Variants in PTPRD observed in about 807,000 individuals in gnomAD.
PTPRD encodes receptor-type tyrosine-protein phosphatase delta.
PTPRD carries 34 observed loss-of-function variants against 214.5 expected under a neutral mutation model. The observed-to-expected ratio is 0.16, with a 90% CI of 0.12 to 0.21. The LOEUF (loss-of-function observed/expected upper bound fraction) is 0.21, where lower values mean the gene tolerates loss of function less well. Among genes scored for constraint, PTPRD ranks in the 10% least tolerant of loss-of-function variants. PTPRD has a pLI of 1.00. For synonymous variants in PTPRD, 1,128 were observed against 845.7 expected (o/e 1.33, Z -5.79); for missense variants, 2,545 against 2,398.7 (o/e 1.06, Z -1.27).
intron 21 of PTPRD, among the ~76,000 whole-genome samples, chr9:8,508,772 T>C (rs1044994806): frequency 6.6e-6 from 1 of 152,164 alleles, no homozygotes; most frequent in Admixed American, 6.5e-5. Flanking sequence ...GTCTGTGTAC[T>C]ATGGCTTTAA....
chr9:8,888,556 G>C (rs2098510952), intron 11 of PTPRD, among the ~76,000 whole-genome samples: 1 of 152,164 alleles, frequency 6.6e-6, no homozygotes, highest in South Asian at 2.1e-4. Context: ...TTCATAAGAG[G>C]GGCTTTTATG....
chr9:9,545,475 A>G (rs907102980), intron 8 of PTPRD, among the ~76,000 whole-genome samples: 2 of 151,974 alleles, frequency 1.3e-5, no homozygotes, highest in Admixed American at 6.6e-5. Flanking sequence ...TTAAAATTCT[A>G]TTGTTTAGAT....
intron 11 of PTPRD, among the ~76,000 whole-genome samples, chr9:8,853,104 G>A (rs1182465004): frequency 6.6e-6 from 1 of 152,096 alleles, no homozygotes. Flanking sequence ...ATTTATTAAG[G>A]GGGAAATGAG....
intron 3 of PTPRD, among the ~76,000 whole-genome samples, chr9:10,122,796 C>A (rs1229391627): frequency 6.6e-6 from 1 of 152,202 alleles, no homozygotes; most frequent in South Asian, 2.1e-4. Context: ...CATATTGACA[C>A]CTTCCACCCT....
In PTPRD at chr9:8,449,793, T is replaced by C. The variant is rs2133467961; in HGVS notation, c.3920A>G (p.Asn1307Ser). The C allele has an allele frequency of 6.2e-7, 1 of 1,614,086 alleles. No individual in the cohort carries two copies. The highest frequency in any genetic ancestry group is 8.5e-7 in the Non-Finnish European group (1 of 1,179,954). Residue 1307 changes from asparagine to serine, a missense_variant, in exon 34 of 46, where the codon AAT (asparagine) becomes AGT (serine). Asn to Ser is a conservative substitution (Grantham distance 46, BLOSUM62 1). Coordinates refer to ENST00000381196, the MANE Select transcript of PTPRD (RefSeq NM_002839.4). ...SDSRKSSIPN[N>S]KEIPSHHPTD... is the part of the protein sequence containing the mutation. ...TGGGTGGTGTGAAGGGATCTCCTTA[T>C]TGTTCGGTATGCTGCTTTTTCTAGA...
At chr9:8,331,954 T>TGC (rs1564001961) in intron 43 of PTPRD, among the ~76,000 whole-genome samples, 1 of 150,784 alleles carries the variant, frequency 6.6e-6, no homozygotes, top group African/African-American at 2.5e-5. Context: ...ACTCTTGAAA[T>TGC]CCTAAATTTA....
chr9:9,634,026 AG>A (rs2095675674), intron 7 of PTPRD, among the ~76,000 whole-genome samples: 1 of 152,160 alleles, frequency 6.6e-6, no homozygotes, highest in African/African-American at 2.4e-5. Context: ...TGATATAGAC[AG>A]CACATATCAG....
chr9:10,509,803 G>A (rs2047393214), intron 2 of PTPRD, among the ~76,000 whole-genome samples: 1 of 151,204 alleles, frequency 6.6e-6, no homozygotes. Context: ...GCACCTATTA[G>A]GATATGGAGC....
chr9:9,348,986 CT>C (rs1490415772), intron 9 of PTPRD, among the ~76,000 whole-genome samples: 2 of 152,034 alleles, frequency 1.3e-5, no homozygotes, highest in Non-Finnish European at 2.9e-5. Context: ...TTATTGGTAT[CT>C]ATGTATATAC....
intron 14 of PTPRD, among the ~76,000 whole-genome samples, chr9:8,597,203 A>G (rs951150230): frequency 1.1e-4 from 16 of 152,162 alleles, no homozygotes; most frequent in African/African-American, 3.9e-4. Flanking sequence ...CTGGAAGAGC[A>G]GTCTTTGAGT....
At position 9,597,864 on chromosome 9, in the gene PTPRD, C is replaced by A. The variant is rs562707966; in HGVS notation, c.-286-23083G>T. ...AAGATGTTAAATAAAATGGAGTATG[C>A]GAAATCCTAAATAAGCAGTGTTGAT... On this transcript the variant is annotated intron_variant, in intron 7 of 45. Transcript: ENST00000381196. 2.0e-5 allele frequency among the ~76,000 whole-genome samples: 3 copies of A among 151,884 alleles called. 1 individual carries two copies. Among genetic ancestry groups the A allele is most frequent in the South Asian group, 4.2e-4 (2 of 4,816 alleles).
chr9:9,281,825 T>C (rs992498970), intron 9 of PTPRD, among the ~76,000 whole-genome samples: 9 of 143,336 alleles, frequency 6.3e-5, no homozygotes, highest in Non-Finnish European at 1.2e-4. Context: ...TTGCTCATAA[T>C]GGCAAAAAAA....
chr9:9,290,286 G>C (rs1950735382), intron 9 of PTPRD, among the ~76,000 whole-genome samples: 1 of 151,614 alleles, frequency 6.6e-6, no homozygotes, highest in South Asian at 2.1e-4. Flanking sequence ...CAGGTCCTTT[G>C]CTAATTTTTA....
intron 35 of PTPRD, among the ~76,000 whole-genome samples, chr9:8,410,450 T>G (rs2093422428): frequency 1.3e-5 from 2 of 152,198 alleles, no homozygotes. Flanking sequence ...GTGTGTGTCC[T>G]CATTTTCTCT....
intron 7 of PTPRD, among the ~76,000 whole-genome samples, chr9:9,724,429 G>A (rs536882126): frequency 6.6e-6 from 1 of 152,162 alleles, no homozygotes; most frequent in East Asian, 1.9e-4. Flanking sequence ...TACGTCACTT[G>A]TACTTTCTTT....
rs535423282 is a variant in PTPRD, at chr9:9,243,667, A to C, written c.-202-60304T>G. Among the ~76,000 whole-genome samples the C allele has an allele frequency of 6.7e-3, 1,027 of 152,256 alleles. 11 individuals are homozygous for C. The highest frequency in any genetic ancestry group is 0.023 in the African/African-American group (958 of 41,542). On this transcript the variant is annotated intron_variant, in intron 9 of 45. Transcript: ENST00000381196. ...AAATAATAAGAGCTATTTATGACAAACCCACAGCCAATATCATACTGAATG... is the reference window on the plus strand; with the variant it reads ...AAATAATAAGAGCTATTTATGACAACCCCACAGCCAATATCATACTGAATG...
intron 4 of PTPRD, among the ~76,000 whole-genome samples, chr9:9,959,172 A>G (rs961873303): frequency 1.3e-5 from 2 of 152,328 alleles, no homozygotes; most frequent in Non-Finnish European, 2.9e-5. Context: ...AGCAATAAAA[A>G]GAAATTGCCT....
intron 3 of PTPRD, among the ~76,000 whole-genome samples, chr9:10,109,248 G>A (rs980612948): frequency 1.3e-5 from 2 of 152,106 alleles, no homozygotes; most frequent in Non-Finnish European, 2.9e-5. Flanking sequence ...GATGACTACT[G>A]TATTCTCATA....
chr9:8,984,043 T>C (rs2099327482), intron 11 of PTPRD, among the ~76,000 whole-genome samples: 3 of 152,108 alleles, frequency 2.0e-5, no homozygotes, highest in Admixed American at 2.0e-4. Flanking sequence ...ATAACGTATA[T>C]TTAGTATGTG....
Sources: allele counts gnomAD v4.1 joint callset (sites outside exome capture counted in the v4.1 genomes callset), GRCh38; gene constraint gnomAD v4.1.1; transcripts MANE v1.5; gene names NCBI Gene and HGNC (gene_info 2026-07-23, HGNC 2026-07-21).